Variants in PTPRD observed in about 807,000 individuals in gnomAD.
PTPRD encodes the protein protein tyrosine phosphatase receptor type D, also known as receptor-type tyrosine-protein phosphatase delta.
In PTPRD, 34 loss-of-function variants were observed where a neutral mutation model predicts 214.5. The observed-to-expected ratio is 0.16, with a 90% confidence interval of 0.12 to 0.21. The LOEUF (loss-of-function observed/expected upper bound fraction) is 0.21, where lower values mean the gene tolerates loss of function less well. PTPRD is among the 10% of genes least tolerant of loss of function. The probability of loss-of-function intolerance (pLI) is 1.00; values close to 1 mark genes in which losing one functional copy is unlikely to be tolerated. For missense variants in PTPRD, 2,545 were observed against 2,398.7 expected, an observed-to-expected ratio of 1.06 and a Z score of -1.27; for synonymous variants, 1,128 against 845.7, an observed-to-expected ratio of 1.33 and a Z score of -5.79.
chr9:8,325,378 G>A (rs1174553773), intron 44 of PTPRD, among the ~76,000 whole-genome samples: 1 of 149,028 alleles, frequency 6.7e-6, no homozygotes, highest in Non-Finnish European at 1.5e-5. Flanking sequence ...TTTCCCTCAG[G>A]TTTGTCAAAG....
intron 2 of PTPRD, among the ~76,000 whole-genome samples, chr9:10,428,867 A>T (rs1249049388): frequency 6.6e-6 from 1 of 152,070 alleles, no homozygotes; most frequent in South Asian, 2.1e-4. Context: ...TACATGTAAC[A>T]GCATATAAGC....
rs1033248107 is a variant in PTPRD at position 8,448,455 on chromosome 9, T to C, written c.3988+1270A>G. On this transcript the variant is annotated intron_variant, in intron 34 of 45. Coordinates refer to ENST00000381196, the MANE Select transcript of PTPRD (RefSeq NM_002839.4). ...ATTTACTACAGTAACTTAATTCATA[T>C]CAAGTTGCCTTAATAAAGTACTGAG... is the stretch of plus-strand genomic sequence containing the variant. Among the ~76,000 whole-genome samples, 25 of 152,280 alleles carry C rather than the reference T, an allele frequency of 1.6e-4. No individual in the cohort carries two copies. The East Asian group carries it at 4.4e-3, about 27-fold the overall frequency.
At chr9:9,936,183 C>A (rs1013109382) in intron 5 of PTPRD, among the ~76,000 whole-genome samples, 5 of 148,752 alleles carry the variant, frequency 3.4e-5, no homozygotes, top group African/African-American at 1.3e-4. Flanking sequence ...GACTTCATGT[C>A]TAAAACACCA....
chr9:8,493,448 C>T (rs574925231), intron 26 of PTPRD, among the ~76,000 whole-genome samples: 61 of 152,066 alleles, frequency 4.0e-4, no homozygotes, highest in African/African-American at 1.2e-3. Context: ...GCTCTCCACA[C>T]ATATCCACTG....
chr9:9,548,817 G>A (rs893201242), intron 8 of PTPRD, among the ~76,000 whole-genome samples: 2 of 152,008 alleles, frequency 1.3e-5, no homozygotes, highest in South Asian at 2.1e-4. Context: ...AGTAGACATA[G>A]CAATACTAAA....
intron 9 of PTPRD, among the ~76,000 whole-genome samples, chr9:9,376,343 T>C (rs1247268401): frequency 6.6e-6 from 1 of 152,144 alleles, no homozygotes; most frequent in Non-Finnish European, 1.5e-5. Flanking sequence ...CCTATAAAAT[T>C]TGACTTTGGC....
intron 11 of PTPRD, chr9:8,958,700 C>T (rs2099144170): frequency 6.6e-6 from 1 of 151,910 alleles, no homozygotes; most frequent in East Asian, 1.9e-4. Context: ...AAGTGTTTTT[C>T]CTTTTTCCAA....
intron 2 of PTPRD, among the ~76,000 whole-genome samples, chr9:10,368,680 G>A (rs2097557923): frequency 6.6e-6 from 1 of 151,898 alleles, no homozygotes; most frequent in Non-Finnish European, 1.5e-5. Flanking sequence ...CTTATGGGAA[G>A]GAACTAAAAA....
intron 11 of PTPRD, among the ~76,000 whole-genome samples, chr9:8,913,479 T>C (rs569811392): frequency 6.6e-6 from 1 of 152,158 alleles, no homozygotes; most frequent in Admixed American, 6.6e-5. Context: ...AAGCAAAGTA[T>C]ATTATTTACA....
At chr9:9,234,652 C>G (rs376779312) in intron 9 of PTPRD, among the ~76,000 whole-genome samples, 1 of 152,194 alleles carries the variant, frequency 6.6e-6, no homozygotes, top group African/African-American at 2.4e-5. Flanking sequence ...TCAACTCTCT[C>G]AAGTTCAAAG....
chr9:9,135,843 C>A (rs112900901), intron 10 of PTPRD, among the ~76,000 whole-genome samples: 10 of 148,118 alleles, frequency 6.8e-5, no homozygotes, highest in Admixed American at 2.0e-4. Context: ...TTGAAAAAAA[C>A]CCCACAGTTT....
chr9:8,812,401 A>G (rs2096827584), intron 11 of PTPRD, among the ~76,000 whole-genome samples: 1 of 152,186 alleles, frequency 6.6e-6, no homozygotes, highest in Admixed American at 6.6e-5. Flanking sequence ...TAGTTGGGTA[A>G]AGTTTCCATG....
At chr9:9,939,529 A>G (rs2090776966) in intron 4 of PTPRD, among the ~76,000 whole-genome samples, 1 of 152,162 alleles carries the variant, frequency 6.6e-6, no homozygotes, top group African/African-American at 2.4e-5. Flanking sequence ...CTGAATCTTC[A>G]AAACCAGGAT....
rs1420740236 is a variant in PTPRD, at chr9:8,517,915, G to A, written c.1476C>T (p.Val492=). 5.6e-6 allele frequency: 9 copies of A among 1,614,166 alleles called. No individual in the cohort carries two copies. The highest frequency in any genetic ancestry group is 7.6e-6 in the Non-Finnish European group (9 of 1,180,004). ...CATCTCCAATTGAGGTAAAAGCCAG[G>A]ACTTTGACAGAATATGTTTTCTGGG... The part of the protein sequence containing the change: ...LVPQKTYSVK[V]LAFTSIGDGP... The change falls in exon 21 of 46, where the codon GTC becomes GTT. Residue 492 remains valine, a synonymous_variant. Coordinates refer to ENST00000381196, the MANE Select transcript of PTPRD (RefSeq NM_002839.4).
rs537138232 is a variant in PTPRD, at chr9:10,234,106, T to C, written c.-545+106857A>G. ...TGTGTCTACTAATAATACAAAAAATTAGCCAAGCATGATGGCATACACCTG... is the reference window on the plus strand; with the variant it reads ...TGTGTCTACTAATAATACAAAAAATCAGCCAAGCATGATGGCATACACCTG... On this transcript the variant is annotated intron_variant, in intron 3 of 45. Transcript: ENST00000381196. Among the ~76,000 whole-genome samples, 4 of 151,536 alleles carry C rather than the reference T, an allele frequency of 2.6e-5. No homozygotes were observed. The South Asian group carries it at 8.3e-4, about 31-fold the overall frequency.
chr9:10,448,125 C>T (rs2098812286), intron 2 of PTPRD, among the ~76,000 whole-genome samples: 1 of 152,146 alleles, frequency 6.6e-6, no homozygotes, highest in African/African-American at 2.4e-5. Context: ...ACTGAGGCTA[C>T]AAATTCAAGT....
chr9:9,594,692 TC>T (rs1466840628), intron 7 of PTPRD, among the ~76,000 whole-genome samples: 1 of 152,120 alleles, frequency 6.6e-6, no homozygotes, highest in Admixed American at 6.6e-5. Flanking sequence ...TAGTTTGAAA[TC>T]AGGTAATGTG....
chr9:10,521,868 A>T (rs1193293264), intron 2 of PTPRD, among the ~76,000 whole-genome samples: 2 of 152,166 alleles, frequency 1.3e-5, no homozygotes, highest in Non-Finnish European at 2.9e-5. Context: ...GTTTAGTCAT[A>T]ATCATTATAT....
At chr9:8,511,658 C>G (rs546039186) in intron 21 of PTPRD, among the ~76,000 whole-genome samples, 3 of 151,766 alleles carry the variant, frequency 2.0e-5, no homozygotes, top group South Asian at 2.1e-4. Flanking sequence ...TGATATTGAC[C>G]ATAAACCAGA....
Sources: gnomAD v4.1 joint callset for allele counts (sites outside exome capture counted in the v4.1 genomes callset) on GRCh38, gnomAD v4.1.1 for gene constraint, MANE v1.5 for transcripts, NCBI Gene and HGNC (gene_info 2026-07-23, HGNC 2026-07-21) for gene names.